Variants in NBPF12 observed in about 807,000 individuals in gnomAD.
NBPF12 encodes NBPF family member NBPF12.
Under a neutral mutation model 146.4 loss-of-function variants are expected in NBPF12, and 115 were observed. The ratio of observed to expected loss-of-function variants is 0.79; its 90% CI spans 0.68 to 0.92. The LOEUF (loss-of-function observed/expected upper bound fraction) is 0.92, where lower values mean the gene tolerates loss of function less well. NBPF12 is among the 40% of genes least tolerant of loss of function. NBPF12 has a pLI of 0.00. For missense variants in NBPF12, 1,205 were observed against 1,326.8 expected (o/e 0.91, Z 1.43); for synonymous variants, 385 against 508.9 (o/e 0.76, Z 3.28).
exon 34 of NBPF12, chr1:146,994,402 A>G (rs1373122655): frequency 2.5e-6 from 4 of 1,611,662 alleles, no homozygotes; most frequent in South Asian, 2.2e-5. Flanking sequence ...ATGTTATTCG[A>G]CTCCATCAAT....
chr1:146,947,777 G>C (rs1387603899), upstream of NBPF12, among the ~76,000 whole-genome samples: 2 of 150,952 alleles, frequency 1.3e-5, no homozygotes, highest in Non-Finnish European at 2.9e-5. Context: ...TGTTCGTTTT[G>C]TGACAAGTAG....
chr1:146,964,502 G>A (rs1476806842), intron 7 of NBPF12, 73 bp downstream of exon 10: 16 of 1,590,522 alleles, frequency 1.0e-5, no homozygotes, highest in Non-Finnish European at 1.2e-5. Flanking sequence ...ACCCTCTCTG[G>A]CATCTATGGT....
intron 9 of NBPF12, among the ~76,000 whole-genome samples, chr1:146,967,039 C>G (rs1273672263): frequency 6.6e-6 from 1 of 151,300 alleles, no homozygotes; most frequent in Non-Finnish European, 1.5e-5. Context: ...ATATCTGAGA[C>G]TAGTGAACTT....
chr1:146,960,929 C>T (rs1235868562), intron 4 of NBPF12, among the ~76,000 whole-genome samples: 61 of 152,146 alleles, frequency 4.0e-4, no homozygotes, highest in Non-Finnish European at 5.7e-4. Context: ...GGGCAGAGCA[C>T]GAGGTCAGCA....
At chr1:146,960,288 G>C in exon 4 of NBPF12, 1 of 1,329,408 alleles carries the variant, frequency 7.5e-7, no homozygotes, top group Non-Finnish European at 1.1e-6. Context: ...TCAACTGGCC[G>C]GCTTCCTGGC....
At chr1:146,972,106 A>C (rs1449809033) in intron 13 of NBPF12, among the ~76,000 whole-genome samples, 2 of 144,686 alleles carry the variant, frequency 1.4e-5, no homozygotes, top group Non-Finnish European at 3.0e-5. Flanking sequence ...AAAAAAAAGT[A>C]AGTCTCTGAC....
intron 1 of NBPF12, among the ~76,000 whole-genome samples, chr1:146,939,264 C>T (rs1654683539): frequency 2.6e-5 from 4 of 152,076 alleles, no homozygotes; most frequent in Admixed American, 6.5e-5. Context: ...GACGGAGCAG[C>T]TTCGGGGGCA....
chr1:146,994,211 C>G, intron 33 of NBPF12, 121 bp from the exon 37 acceptor site: 1 of 1,596,542 alleles, frequency 6.3e-7, no homozygotes, highest in Non-Finnish European at 8.5e-7. Flanking sequence ...TTTGTTACCT[C>G]ATTAATGGAT....
chr1:146,945,656 T>C (rs1476526905), upstream of NBPF12, among the ~76,000 whole-genome samples: 1 of 151,198 alleles, frequency 6.6e-6, no homozygotes, highest in Non-Finnish European at 1.5e-5. Flanking sequence ...AGAACAGTTC[T>C]AGGTTTACAG....
chr1:146,941,420 A>G (rs10900302), intron 1 of NBPF12, among the ~76,000 whole-genome samples: 2,135 of 151,094 alleles, frequency 0.014, 101 homozygotes, highest in East Asian at 0.13. Context: ...TACTTTATCA[A>G]TCTTTTCCTT....
chr1:146,940,316 C>T (rs1159358197), intron 1 of NBPF12, among the ~76,000 whole-genome samples: 2 of 151,772 alleles, frequency 1.3e-5, no homozygotes, highest in African/African-American at 2.4e-5. Context: ...TTTAAACGTG[C>T]AGGTGATCTG....
intron 25 of NBPF12, among the ~76,000 whole-genome samples, chr1:146,987,590 A>G (rs1343072569): frequency 2.0e-5 from 3 of 152,020 alleles, no homozygotes; most frequent in Non-Finnish European, 4.4e-5. Context: ...TGATCACTGT[A>G]TGCTGTGTGT....
At position 146,992,432 on chromosome 1, in the gene NBPF12, C is replaced by A. The variant is rs1210856107; in HGVS notation, c.3849-280C>A. ...TGTCACCTGGACAATTCACTGAGCTCGTTCTCTCTCTCTCTCTCTCTCTCT... is the reference window on the plus strand; with the variant it reads ...TGTCACCTGGACAATTCACTGAGCTAGTTCTCTCTCTCTCTCTCTCTCTCT... On this transcript the variant is annotated intron_variant, in intron 31 of 33. Coordinates refer to ENST00000617844, the Ensembl canonical transcript of NBPF12. 3.7e-4 allele frequency among the ~76,000 whole-genome samples: 47 copies of A among 125,756 alleles called. No homozygotes were observed. In the South Asian group the frequency reaches 5.3e-3, roughly 14 times the overall value. The allele number at this position is 125,756 out of a possible 152,430, so 82.5% of individuals were successfully genotyped here. A position where few individuals can be genotyped will look rare whatever the true frequency, so the allele number is the denominator to read the frequency against.
intron 33 of NBPF12, 42 bp from the exon 37 acceptor site, chr1:146,994,290 G>C: frequency 6.2e-7 from 1 of 1,611,126 alleles, no homozygotes; most frequent in Non-Finnish European, 8.5e-7. Flanking sequence ...TGTGGTGTCT[G>C]ACTTTCCCTG....
chr1:146,944,886 CCCTCCCTTCCTTTCTT>C (rs1654953879), upstream of NBPF12, among the ~76,000 whole-genome samples: 1 of 141,940 alleles, frequency 7.0e-6, no homozygotes, highest in East Asian at 2.2e-4. Flanking sequence ...CTTCCACCCT[CCCTCCCTTCCTTTCTT>C]CCTCCCTTCC....
At position 146,992,432 on chromosome 1, in the gene NBPF12, CGTT is replaced by C. The variant is rs1658232014; in HGVS notation, c.3849-279_3849-277del. Among the ~76,000 whole-genome samples, 98 of 125,670 alleles carry C rather than the reference CGTT, an allele frequency of 7.8e-4. 1 individual carries two copies. Among genetic ancestry groups the C allele is most frequent in the African/African-American group, 3.0e-3 (93 of 30,726 alleles). The allele number at this position is 125,670 out of a possible 152,430, so 82.4% of individuals were successfully genotyped here. On this transcript the variant is annotated intron_variant, in intron 31 of 33. Transcript: ENST00000617844. ...TGTCACCTGGACAATTCACTGAGCT[CGTT>C]CTCTCTCTCTCTCTCTCTCTCTCTC...
chr1:146,966,124 C>T (rs1168787744), intron 8 of NBPF12, among the ~76,000 whole-genome samples: 1 of 151,762 alleles, frequency 6.6e-6, no homozygotes, highest in Non-Finnish European at 1.5e-5. Flanking sequence ...AAACAAAAAA[C>T]CAAAAAAGAA....
chr1:146,987,573 CTT>C (rs1424812120), intron 25 of NBPF12, among the ~76,000 whole-genome samples: 13,659 of 128,126 alleles, frequency 0.11, 1 homozygote, highest in South Asian at 0.19. Context: ...TGAGCACAGT[CTT>C]TTCATGATCA....
exon 8 of NBPF12, chr1:146,965,002 A>G: frequency 6.2e-7 from 1 of 1,608,256 alleles, no homozygotes; most frequent in East Asian, 2.2e-5. Flanking sequence ...GCCTCACAAG[A>G]ACATCAAAAT....
Sources: gnomAD v4.1 joint callset for allele counts (sites outside exome capture counted in the v4.1 genomes callset) on GRCh38, gnomAD v4.1.1 for gene constraint, MANE v1.5 for transcripts, NCBI Gene and HGNC (gene_info 2026-07-23, HGNC 2026-07-21) for gene names.